TAF15: variants seen among roughly 807,000 people sequenced by gnomAD.
The protein encoded by TAF15 is TATA-binding protein-associated factor 2N.
TAF15 carries 37 observed loss-of-function variants against 102.5 expected under a neutral mutation model. The observed-to-expected ratio is 0.36, with a 90% confidence interval of 0.28 to 0.47. The LOEUF (loss-of-function observed/expected upper bound fraction) is 0.47, where lower values mean the gene tolerates loss of function less well. TAF15 is among the 20% of genes least tolerant of loss of function. TAF15 has a pLI of 0.99. For synonymous variants in TAF15, 273 were observed against 259.2 expected (o/e 1.05, Z -0.51); for missense variants, 652 against 760.7 (o/e 0.86, Z 1.68).
intron 1 of TAF15, chr17:35,810,514 TATTGTTAGGCTGCATC>T (rs1422662937): frequency 2.6e-5 from 4 of 152,240 alleles, no homozygotes; most frequent in African/African-American, 9.6e-5. Context: ...CAGGGTCCTC[TATTGTTAGGCTGCATC>T]ACGGGCCGCA....
In TAF15 at chr17:35,844,528, G is replaced by A. The variant is rs537797497; in HGVS notation, c.1229G>A (p.Gly410Asp). The A allele has an allele frequency of 2.5e-6, 4 of 1,611,374 alleles. No individual in the cohort carries two copies. In the South Asian group the frequency reaches 3.3e-5, roughly 13 times the overall value. Residue 410 changes from glycine (G) to aspartate (D), a missense_variant, in exon 15 of 16, where the codon GGC becomes GAC. This residue lies in a region of TAF15 where 368 missense variants were observed against 367.5 expected (regional missense o/e 1.00). Transcript: ENST00000605844. ...GAGAGGGGCTACAGAGGTCGTGGGGGCAGAGGTGGAGACCGAGGCGGCTAT... is the reference window on the plus strand; with the variant it reads ...GAGAGGGGCTACAGAGGTCGTGGGGACAGAGGTGGAGACCGAGGCGGCTAT... ...GGERGYRGRGGRGGDRGGYGG... is the reference protein window; with the variant it reads ...GGERGYRGRGDRGGDRGGYGG...
Position 35,819,182 on chromosome 17 carries a change from A to C in TAF15, c.48-842A>C, listed in dbSNP as rs760865630. 1.1e-4 allele frequency among the ~76,000 whole-genome samples: 16 copies of C among 152,230 alleles called. 1 individual carries two copies. The highest frequency in any genetic ancestry group is 8.8e-5 in the Non-Finnish European group (6 of 68,032). On this transcript the variant is annotated intron_variant, in intron 2 of 15. Transcript: ENST00000605844. Reference sequence around the variant, plus strand: ...TCTTGTAAGATAGTGCTAACTTCCTAGTAGGTATCTAGCAAAATGTTTATT... The same window carrying C: ...TCTTGTAAGATAGTGCTAACTTCCTCGTAGGTATCTAGCAAAATGTTTATT...
At position 35,842,465 on chromosome 17, in the gene TAF15, A is replaced by G. The variant is rs1598551283; in HGVS notation, c.1006+6A>G. 6.2e-7 allele frequency: 1 copy of G among 1,608,508 alleles called. No individual in the cohort carries two copies. The highest frequency in any genetic ancestry group is 2.2e-5 in the East Asian group (1 of 44,834). ...AAGTGGAGGTGGGCGGCGAGGTAAG[A>G]TCCTTGCTGCGTACAGTCCTGGATA... is the stretch of plus-strand genomic sequence containing the variant. On this transcript the variant is annotated splice_donor_region_variant and intron_variant, in intron 12 of 15. Coordinates refer to ENST00000605844, the MANE Select transcript of TAF15 (RefSeq NM_139215.3).
chr17:35,835,235 G>T (rs1440149930), intron 9 of TAF15, among the ~76,000 whole-genome samples: 2 of 152,172 alleles, frequency 1.3e-5, no homozygotes, highest in Admixed American at 1.3e-4. Context: ...TTATATCATT[G>T]TGGAATTAGA....
At chr17:35,834,152 A>G in intron 8 of TAF15, 1 of 364,610 alleles carries the variant, frequency 2.7e-6, no homozygotes, top group Non-Finnish European at 4.8e-6. Context: ...AAAACAGTCC[A>G]ATGGGTTTTC....
intron 6 of TAF15, 89 bp downstream of exon 6, chr17:35,822,922 C>T (rs1275767873): frequency 8.6e-6 from 13 of 1,508,224 alleles, no homozygotes; most frequent in Middle Eastern, 3.4e-4. Context: ...GAGGATTTCA[C>T]CTGTTTGTAA....
Position 35,809,532 on chromosome 17 carries a change from C to A in TAF15, c.-38C>A. On this transcript the variant is annotated 5_prime_UTR_variant, in exon 1 of 16. Coordinates refer to ENST00000605844, the MANE Select transcript of TAF15 (RefSeq NM_139215.3). ...GCCTGGCTTTCGTATTCGTTGTTCT[C>A]GGCGGGCTGTGGGGCCTCCGCGCCG... 2 of 1,612,646 alleles carry A rather than the reference C, an allele frequency of 1.2e-6. No homozygotes were observed. The highest frequency in any genetic ancestry group is 1.7e-6 in the Non-Finnish European group (2 of 1,179,690).
chr17:35,811,836 T>A (rs2087127581), intron 1 of TAF15, among the ~76,000 whole-genome samples: 1 of 152,330 alleles, frequency 6.6e-6, no homozygotes, highest in South Asian at 2.1e-4. Context: ...TCAAGATAAC[T>A]TCTCATTCTG....
At chr17:35,837,203 GTA>G (rs1471650008) in intron 10 of TAF15, among the ~76,000 whole-genome samples, 1 of 152,124 alleles carries the variant, frequency 6.6e-6, no homozygotes, top group African/African-American at 2.4e-5. Flanking sequence ...CCAGGCTGGA[GTA>G]CAGTGGCATA....
At chr17:35,833,068 A>G (rs928248158) in intron 7 of TAF15, among the ~76,000 whole-genome samples, 8 of 152,054 alleles carry the variant, frequency 5.3e-5, no homozygotes, top group African/African-American at 1.9e-4. Context: ...AAGGCAGGAA[A>G]ATCACTTGAA....
At chr17:35,834,415 T>G in intron 8 of TAF15, 151 bp from the exon 9 acceptor site, 1 of 686,800 alleles carries the variant, frequency 1.5e-6, no homozygotes, top group East Asian at 2.8e-5. Context: ...TAAAACATAA[T>G]TTATATATTT....
At chr17:35,825,925 G>A (rs573481559) in intron 7 of TAF15, among the ~76,000 whole-genome samples, 5 of 151,874 alleles carry the variant, frequency 3.3e-5, no homozygotes, top group Non-Finnish European at 5.9e-5. Context: ...CTGCACTCCA[G>A]CCTGGGCGAC....
chr17:35,810,024 C>T (rs367951057), intron 1 of TAF15: 4 of 296,322 alleles, frequency 1.3e-5, no homozygotes, highest in Non-Finnish European at 2.6e-5. Flanking sequence ...TTCCCATCCT[C>T]GAAGTGGAGC....
At chr17:35,817,784 G>GA in intron 2 of TAF15, 29 bp downstream of exon 2, 3 of 1,603,314 alleles carry the variant, frequency 1.9e-6, no homozygotes, top group Non-Finnish European at 2.6e-6. Context: ...TTAATAATAT[G>GA]AAAGGGTAGA....
intron 15 of TAF15, among the ~76,000 whole-genome samples, chr17:35,845,387 T>C (rs2087611916): frequency 6.6e-6 from 1 of 152,162 alleles, no homozygotes; most frequent in Non-Finnish European, 1.5e-5. Flanking sequence ...CCCAAGTAGC[T>C]GGAACTATAG....
chr17:35,813,569 G>A (rs546825170), intron 1 of TAF15, among the ~76,000 whole-genome samples: 2 of 151,810 alleles, frequency 1.3e-5, no homozygotes, highest in South Asian at 4.2e-4. Context: ...CCAGGAAATC[G>A]AGGCTACAGT....
In TAF15 at chr17:35,833,073, C is replaced by T. The variant is rs1301732225; in HGVS notation, c.606-834C>T. Among the ~76,000 whole-genome samples, 3 of 151,984 alleles carry T rather than the reference C, an allele frequency of 2.0e-5. No individual in the cohort carries two copies. The East Asian group carries it at 5.8e-4, about 29-fold the overall frequency. On this transcript the variant is annotated intron_variant, in intron 7 of 15. Transcript: ENST00000605844. ...TAGGGAGGCTAAGGCAGGAAAATCA[C>T]TTGAACCTGGGAGGTGGAGGTTGCA...
In TAF15 at chr17:35,844,658, T is replaced by TATGGTGGAGACAGAAGTGGGGGC; in HGVS notation, c.1359_1360insATGGTGGAGACAGAAGTGGGGGC (p.Gly454MetfsTer200). ...GCTATGGTGGAGACAGAAGTGGGGG[T>TATGGTGGAGACAGAAGTGGGGGC]GGCTATGGTGGGGACAGAGGCGGCG... On this transcript the variant is annotated frameshift_variant, in exon 15 of 16. Transcript: ENST00000605844. LOFTEE classifies it high-confidence loss of function. 7.2e-7 allele frequency: 1 copy of TATGGTGGAGACAGAAGTGGGGGC among 1,388,968 alleles called. No individual in the cohort carries two copies. The allele number at this position is 1,388,968 out of a possible 1,614,324, so 86.0% of individuals were successfully genotyped here.
chr17:35,832,994 T>C (rs1443290510), intron 7 of TAF15, among the ~76,000 whole-genome samples: 1 of 151,970 alleles, frequency 6.6e-6, no homozygotes, highest in African/African-American at 2.4e-5. Context: ...TCATCTCTAC[T>C]AAAAACACAG....
Sources: allele counts gnomAD v4.1 joint callset (sites outside exome capture counted in the v4.1 genomes callset), GRCh38; gene constraint gnomAD v4.1.1; regional missense constraint gnomAD v4.1.1; transcripts MANE v1.5; gene names NCBI Gene and HGNC (gene_info 2026-07-23, HGNC 2026-07-21).